PREX2: variants seen among roughly 807,000 people sequenced by gnomAD.
The protein encoded by PREX2 is phosphatidylinositol-3,4,5-trisphosphate dependent Rac exchange factor 2.
PREX2 carries 107 observed loss-of-function variants against 203.2 expected under a neutral mutation model. The observed-to-expected ratio is 0.53, with a 90% confidence interval of 0.45 to 0.62. The LOEUF (loss-of-function observed/expected upper bound fraction) is 0.62, where lower values mean the gene tolerates loss of function less well. Ranked by LOEUF, PREX2 falls within the 20% of genes least tolerant of loss-of-function variation. The pLI, the probability that PREX2 is intolerant of heterozygous loss-of-function variation, is 0.00. For missense variants in PREX2, 1,777 were observed against 1,955.9 expected, an observed-to-expected ratio of 0.91 and a Z score of 1.72; for synonymous variants, 672 against 663.6, an observed-to-expected ratio of 1.01 and a Z score of -0.19.
chr8:68,174,523 T>A (rs1811941394), intron 35 of PREX2, among the ~76,000 whole-genome samples: 1 of 152,164 alleles, frequency 6.6e-6, no homozygotes, highest in Non-Finnish European at 1.5e-5. Context: ...CATTTCACTT[T>A]CCTTGGCCAA....
intron 1 of PREX2, among the ~76,000 whole-genome samples, chr8:67,968,250 C>T (rs1365873621): frequency 6.6e-6 from 1 of 152,066 alleles, no homozygotes; most frequent in Non-Finnish European, 1.5e-5. Flanking sequence ...GGAAAGGTCA[C>T]TTGAGGACTG....
intron 22 of PREX2, among the ~76,000 whole-genome samples, chr8:68,098,936 G>GTCTATATATA (rs1353078022): frequency 1.3e-5 from 1 of 74,840 alleles, no homozygotes; most frequent in Non-Finnish European, 2.7e-5. Context: ...ACATATATAT[G>GTCTATATATA]TGTATATATA....
At chr8:67,981,217 G>C (rs991519210) in intron 1 of PREX2, among the ~76,000 whole-genome samples, 13 of 152,178 alleles carry the variant, frequency 8.5e-5, no homozygotes, top group African/African-American at 2.9e-4. Flanking sequence ...ATTGATAAAA[G>C]AAGCGAATGT....
At chr8:68,220,540 T>G (rs968433329) in intron 38 of PREX2, among the ~76,000 whole-genome samples, 1 of 152,112 alleles carries the variant, frequency 6.6e-6, no homozygotes, top group Admixed American at 6.5e-5. Context: ...AACAAAGACA[T>G]GAGGTTGACA....
chr8:68,041,071 C>A (rs1165723021), intron 7 of PREX2, among the ~76,000 whole-genome samples: 1 of 152,006 alleles, frequency 6.6e-6, no homozygotes, highest in Non-Finnish European at 1.5e-5. Context: ...GTTTCCTGAG[C>A]CTTTATGTAC....
intron 1 of PREX2, among the ~76,000 whole-genome samples, chr8:67,973,829 C>G (rs1805993934): frequency 6.6e-6 from 1 of 152,144 alleles, no homozygotes; most frequent in Middle Eastern, 3.4e-3. Flanking sequence ...TTAGTAGTAG[C>G]CCCAGAACAC....
At chr8:68,154,208 C>T (rs1409540656) in intron 34 of PREX2, among the ~76,000 whole-genome samples, 4 of 152,206 alleles carry the variant, frequency 2.6e-5, no homozygotes, top group Admixed American at 6.5e-5. Context: ...TTTGGCTAAG[C>T]ACACTCTGCA....
chr8:67,955,168 A>AAAAG, intron 1 of PREX2, among the ~76,000 whole-genome samples: 1 of 150,960 alleles, frequency 6.6e-6, no homozygotes, highest in African/African-American at 2.4e-5. Flanking sequence ...AAAAAAAAAA[A>AAAAG]AAAGAAATCA....
chr8:67,997,875 C>A (rs935365301), intron 1 of PREX2, among the ~76,000 whole-genome samples: 8 of 152,140 alleles, frequency 5.3e-5, no homozygotes, highest in African/African-American at 7.2e-5. Context: ...TTGAGCTCTT[C>A]AATCCATGAA....
chr8:68,188,634 G>A (rs1373262606), intron 35 of PREX2, among the ~76,000 whole-genome samples: 2 of 152,178 alleles, frequency 1.3e-5, no homozygotes, highest in Non-Finnish European at 2.9e-5. Context: ...GAAGGCAAAT[G>A]AGGAGCAAGG....
At chr8:68,091,111 T>A (rs1446433299) in intron 20 of PREX2, among the ~76,000 whole-genome samples, 2 of 152,194 alleles carry the variant, frequency 1.3e-5, no homozygotes, top group African/African-American at 2.4e-5. Flanking sequence ...TTAGAAAACT[T>A]CTGTGAAAAA....
intron 4 of PREX2, among the ~76,000 whole-genome samples, chr8:68,024,324 A>T (rs1261523364): frequency 3.3e-5 from 5 of 151,534 alleles, no homozygotes; most frequent in African/African-American, 1.2e-4. Flanking sequence ...TTACCCTTTA[A>T]CTCTGTCCAT....
chr8:68,060,690 C>T lies in PREX2; in HGVS notation c.1250C>T (p.Ser417Leu), dbSNP rs895041323. The T allele has an allele frequency of 1.9e-6, 3 of 1,610,362 alleles. No homozygotes were observed. The African/African-American group carries it at 4.0e-5, about 22-fold the overall frequency. The change falls in exon 11 of 40, where the codon TCA becomes TTA. Residue 417 changes from serine to leucine, a missense_variant. Coordinates refer to ENST00000288368, the MANE Select transcript of PREX2 (RefSeq NM_024870.4). ...ACTTTCTCTTGCAGCGAATTTGTGT[C>T]ATGGCTGTTGGAAATTGGAGAGATT... ...PKCFLGSEFV[S>L]WLLEIGEIHR...
At chr8:68,156,932 GTC>G (rs1811553807) in intron 34 of PREX2, among the ~76,000 whole-genome samples, 1 of 152,158 alleles carries the variant, frequency 6.6e-6, no homozygotes, top group South Asian at 2.1e-4. Context: ...TTTCTCCTGT[GTC>G]TGCGTGCAGT....
chr8:68,056,045 A>G (rs2129611218), intron 10 of PREX2, 71 bp downstream of exon 10: 1 of 1,446,336 alleles, frequency 6.9e-7, no homozygotes, highest in South Asian at 1.3e-5. Flanking sequence ...CTTTCCTTCA[A>G]TTAGTTTTCC....
chr8:68,007,778 T>C (rs1807138866), intron 1 of PREX2, among the ~76,000 whole-genome samples: 1 of 152,032 alleles, frequency 6.6e-6, no homozygotes, highest in African/African-American at 2.4e-5. Flanking sequence ...CCTGGCTCAT[T>C]TTTTGTATTT....
intron 37 of PREX2, among the ~76,000 whole-genome samples, chr8:68,203,474 T>G (rs995614572): frequency 6.6e-6 from 1 of 151,708 alleles, no homozygotes; most frequent in African/African-American, 2.4e-5. Context: ...AATGTGGAGG[T>G]GATTAGTACA....
At chr8:68,087,990 A>T (rs568196039) in intron 19 of PREX2, among the ~76,000 whole-genome samples, 181 bp downstream of exon 19, 121 of 152,340 alleles carry the variant, frequency 7.9e-4, no homozygotes, top group African/African-American at 2.8e-3. Flanking sequence ...ATTCTAAGCC[A>T]TATTTATCAT....
intron 35 of PREX2, among the ~76,000 whole-genome samples, chr8:68,176,219 A>C (rs935227913): frequency 2.0e-5 from 3 of 152,194 alleles, no homozygotes; most frequent in Non-Finnish European, 4.4e-5. Context: ...AGAGGAACAA[A>C]TCCCTTTCTA....
Sources: gnomAD v4.1 joint callset for allele counts (sites outside exome capture counted in the v4.1 genomes callset) on GRCh38, gnomAD v4.1.1 for gene constraint, MANE v1.5 for transcripts, NCBI Gene and HGNC (gene_info 2026-07-23, HGNC 2026-07-21) for gene names.